Variants in SATB2 observed in about 807,000 individuals in gnomAD.
SATB2 encodes the protein DNA-binding protein SATB2.
A neutral mutation model predicts 73.4 loss-of-function variants in SATB2; 1 was observed. The ratio of observed to expected loss-of-function variants is 0.01; its 90% CI spans 0.00 to 0.06. The LOEUF is 0.06. Among genes scored for constraint, SATB2 ranks in the 10% least tolerant of loss-of-function variants. SATB2 has a pLI of 1.00. For missense variants in SATB2, 459 were observed against 945.8 expected, an observed-to-expected ratio of 0.49 and a Z score of 6.75; for synonymous variants, 397 against 367.0, an observed-to-expected ratio of 1.08 and a Z score of -0.93.
At chr2:199,299,313 A>G (rs530494616) in intron 10 of SATB2, among the ~76,000 whole-genome samples, 28 of 152,250 alleles carry the variant, frequency 1.8e-4, no homozygotes, top group Middle Eastern at 6.8e-3. Flanking sequence ...ATCACTTTAG[A>G]CTCTATAGAA....
rs1280240596 is a variant in SATB2, at chr2:199,271,155, T to C, written c.*1056A>G. On this transcript the variant is annotated 3_prime_UTR_variant, in exon 11 of 11. Coordinates refer to ENST00000417098, the MANE Select transcript of SATB2 (RefSeq NM_001172509.2). ...AACAACTTTTAAACGAGCAGGCTTA[T>C]TAATTTTCAGATTTGAAGCCACAAG... The C allele has an allele frequency of 1.3e-5, 2 of 152,784 alleles. No individual in the cohort carries two copies. Among genetic ancestry groups the C allele is most frequent in the East Asian group, 1.9e-4 (1 of 5,330 alleles). 9.5% of individuals were successfully genotyped at this position (152,784 alleles called of 1,614,324 possible).
chr2:199,424,195 T>G (rs1559046402), intron 3 of SATB2, among the ~76,000 whole-genome samples: 1 of 152,244 alleles, frequency 6.6e-6, no homozygotes, highest in Non-Finnish European at 1.5e-5. Context: ...TCTACAGCCT[T>G]GACTTAAGAC....
At chr2:199,279,757 C>A (rs1692425527) in intron 10 of SATB2, among the ~76,000 whole-genome samples, 1 of 152,200 alleles carries the variant, frequency 6.6e-6, no homozygotes, top group Admixed American at 6.5e-5. Flanking sequence ...ATTATTTTGA[C>A]TTGTTGTCCA....
At position 199,433,322 on chromosome 2, in the gene SATB2, G is replaced by A; in HGVS notation, c.346+16C>T. ...CACACAAGAGACTTGGGAGGAGAGG[G>A]GAGAGGCATTAATACCTTGGGCCTG... is the stretch of plus-strand genomic sequence containing the variant. On this transcript the variant is annotated intron_variant, in intron 3 of 10. Transcript: ENST00000417098. The A allele has an allele frequency of 6.2e-7, 1 of 1,611,412 alleles. No individual in the cohort carries two copies. Among genetic ancestry groups the A allele is most frequent in the Non-Finnish European group, 8.5e-7 (1 of 1,178,438 alleles).
At chr2:199,342,808 C>CA (rs1688544675) in intron 7 of SATB2, among the ~76,000 whole-genome samples, 1 of 152,096 alleles carries the variant, frequency 6.6e-6, no homozygotes, top group African/African-American at 2.4e-5. Context: ...TTTTATCAAA[C>CA]AAATACATTT....
chr2:199,358,002 G>A (rs968084493), intron 6 of SATB2, among the ~76,000 whole-genome samples: 2 of 152,038 alleles, frequency 1.3e-5, no homozygotes, highest in Admixed American at 6.6e-5. Flanking sequence ...TGAAATTGGC[G>A]ATACGTAACA....
chr2:199,393,094 C>T (rs376943475), intron 3 of SATB2, among the ~76,000 whole-genome samples: 6 of 152,154 alleles, frequency 3.9e-5, no homozygotes, highest in African/African-American at 7.2e-5. Context: ...TAGGAGTGTC[C>T]GCAATCAGAG....
At chr2:199,338,347 G>A (rs1221816265) in intron 7 of SATB2, among the ~76,000 whole-genome samples, 2 of 150,768 alleles carry the variant, frequency 1.3e-5, no homozygotes, top group Admixed American at 1.3e-4. Context: ...CAGCCTGGGC[G>A]ACAGAGCAAG....
intron 2 of SATB2, among the ~76,000 whole-genome samples, chr2:199,441,099 G>A (rs1283370954): frequency 1.3e-5 from 2 of 151,892 alleles, no homozygotes; most frequent in African/African-American, 4.8e-5. Context: ...CGCCTGCCTC[G>A]ACCTCCCAAA....
intron 3 of SATB2, among the ~76,000 whole-genome samples, chr2:199,410,322 T>A (rs1465249927): frequency 2.0e-5 from 3 of 152,194 alleles, no homozygotes; most frequent in Non-Finnish European, 4.4e-5. Flanking sequence ...TGAACCCAGC[T>A]AAATTCTGTG....
At position 199,272,172 on chromosome 2, in the gene SATB2, C is replaced by T; in HGVS notation, c.*39G>A. 1 of 1,577,428 alleles carries T rather than the reference C, an allele frequency of 6.3e-7. No homozygotes were observed. Among genetic ancestry groups the T allele is most frequent in the Non-Finnish European group, 8.7e-7 (1 of 1,148,028 alleles). On this transcript the variant is annotated 3_prime_UTR_variant, in exon 11 of 11. Coordinates refer to ENST00000417098, the MANE Select transcript of SATB2 (RefSeq NM_001172509.2). The surrounding 1 kb of genome is among the most constrained non-coding windows in gnomAD (Gnocchi z 6.7). ...TTTAAAGAAATGAAAGCAGAAAATC[C>T]TTGGACCGATGTATTGCTTTGCCTA...
At position 199,365,235 on chromosome 2, in the gene SATB2, C is replaced by T. The variant is rs1177934251; in HGVS notation, c.700+3370G>A. On this transcript the variant is annotated intron_variant, in intron 6 of 10. Coordinates refer to ENST00000417098, the MANE Select transcript of SATB2 (RefSeq NM_001172509.2). ...ATGTACTTTTTTTTTTCTTATACTT[C>T]GGAGCTTATGAGCTCTACATTGTAA... 6.6e-5 allele frequency among the ~76,000 whole-genome samples: 10 copies of T among 150,684 alleles called. No individual in the cohort carries two copies. The East Asian group carries it at 1.6e-3, about 23-fold the overall frequency.
intron 10 of SATB2, among the ~76,000 whole-genome samples, chr2:199,295,926 C>T (rs551485722): frequency 1.3e-5 from 2 of 152,108 alleles, no homozygotes; most frequent in South Asian, 4.1e-4. Flanking sequence ...AGAACTTTGG[C>T]AGTTTTCCTT....
At chr2:199,433,285 C>A (rs1029605964) in intron 3 of SATB2, 53 bp downstream of exon 3, 3 of 1,550,614 alleles carry the variant, frequency 1.9e-6, no homozygotes, top group Non-Finnish European at 2.6e-6. Flanking sequence ...CATATTCTTC[C>A]TCAAATTATG....
chr2:199,355,358 A>ATATATATATCTATATATATATATATC (rs1558999289), intron 6 of SATB2, among the ~76,000 whole-genome samples: 11 of 25,852 alleles, frequency 4.3e-4, no homozygotes, highest in Admixed American at 1.1e-3. Flanking sequence ...CTATATATAT[A>ATATATATATCTATATATATATATATC]TATATATATA....
upstream of SATB2, among the ~76,000 whole-genome samples, chr2:199,466,821 CTT>C (rs545969501): frequency 2.9e-3 from 440 of 152,328 alleles, 3 homozygotes; most frequent in Non-Finnish European, 4.8e-3. Flanking sequence ...TCTCAGTACT[CTT>C]TTCCTTTTTT....
At chr2:199,319,710 A>C (rs1687832339) in intron 9 of SATB2, among the ~76,000 whole-genome samples, 1 of 152,010 alleles carries the variant, frequency 6.6e-6, no homozygotes, top group Admixed American at 6.6e-5. Flanking sequence ...TGTAGTGTTG[A>C]GTCTTCGGGT....
intron 7 of SATB2, among the ~76,000 whole-genome samples, chr2:199,335,892 T>C (rs1490175762): frequency 2.6e-5 from 4 of 152,172 alleles, no homozygotes; most frequent in Non-Finnish European, 5.9e-5. Context: ...AAAATTTCAC[T>C]TGTGGCAACT....
At chr2:199,390,806 A>G (rs1690108337) in intron 3 of SATB2, among the ~76,000 whole-genome samples, 1 of 152,134 alleles carries the variant, frequency 6.6e-6, no homozygotes, top group South Asian at 2.1e-4. Flanking sequence ...GTCTAGGTTC[A>G]ATATCCCTGG....
Sources: allele counts gnomAD v4.1 joint callset (sites outside exome capture counted in the v4.1 genomes callset), GRCh38; gene constraint gnomAD v4.1.1; non-coding constraint Gnocchi (gnomAD v3.1); transcripts MANE v1.5; gene names NCBI Gene and HGNC (gene_info 2026-07-23, HGNC 2026-07-21).